ASCC3: variants seen among roughly 807,000 people sequenced by gnomAD.
The protein encoded by ASCC3 is activating signal cointegrator 1 complex subunit 3.
In ASCC3, 158 loss-of-function variants were observed where a neutral mutation model predicts 256.3. The ratio of observed to expected loss-of-function variants is 0.62; its 90% CI spans 0.54 to 0.70. The LOEUF (loss-of-function observed/expected upper bound fraction) is 0.70, where lower values mean the gene tolerates loss of function less well. Among genes scored for constraint, ASCC3 ranks in the 30% least tolerant of loss-of-function variants. ASCC3 has a pLI of 0.00. For missense variants in ASCC3, 2,259 were observed against 2,626.0 expected, an observed-to-expected ratio of 0.86 and a Z score of 3.05; for synonymous variants, 948 against 883.4, an observed-to-expected ratio of 1.07 and a Z score of -1.30.
intron 8 of ASCC3, among the ~76,000 whole-genome samples, chr6:100,789,814 T>G (rs541058924): frequency 6.6e-6 from 1 of 152,078 alleles, no homozygotes; most frequent in African/African-American, 2.4e-5. Context: ...GCTTAATAAT[T>G]GAGATCCCTT....
At chr6:100,685,017 C>T (rs2114973937) in intron 13 of ASCC3, among the ~76,000 whole-genome samples, 1 of 152,056 alleles carries the variant, frequency 6.6e-6, no homozygotes, top group African/African-American at 2.4e-5. Flanking sequence ...CCGTATTAGC[C>T]AGGATGGTCT....
intron 13 of ASCC3, among the ~76,000 whole-genome samples, chr6:100,689,050 C>G (rs1418862607): frequency 6.6e-6 from 1 of 152,078 alleles, no homozygotes; most frequent in African/African-American, 2.4e-5. Flanking sequence ...ATTTCCAGGA[C>G]GTTAGCCATG....
At position 100,540,389 on chromosome 6, in the gene ASCC3, T is replaced by TTAAAAAAAA; in HGVS notation, c.5551-3_5551-2insTTTTTTTTA. Reference sequence around the variant, plus strand: ...CAAATCTGTATATTCTTCTGCATCCTGAAAAAAAAAAAAAGCCCCACATTG... The same window carrying TTAAAAAAAA: ...CAAATCTGTATATTCTTCTGCATCCTTAAAAAAAAGAAAAAAAAAAAAAGCCCCACATTG... On this transcript the variant is annotated splice_polypyrimidine_tract_variant and splice_region_variant and intron_variant, in intron 36 of 41. Coordinates refer to ENST00000369162, the MANE Select transcript of ASCC3 (RefSeq NM_006828.4). 6.3e-7 allele frequency: 1 copy of TTAAAAAAAA among 1,578,594 alleles called. No individual in the cohort carries two copies.
intron 10 of ASCC3, among the ~76,000 whole-genome samples, chr6:100,732,952 TAAC>T (rs1243625743): frequency 6.6e-6 from 1 of 152,156 alleles, no homozygotes; most frequent in African/African-American, 2.4e-5. Context: ...ATTGGAAAAC[TAAC>T]AACATTAGAA....
intron 8 of ASCC3, among the ~76,000 whole-genome samples, chr6:100,794,744 T>TATGC (rs1769521871): frequency 6.6e-6 from 1 of 152,102 alleles, no homozygotes; most frequent in South Asian, 2.1e-4. Flanking sequence ...TGAAATATTA[T>TATGC]ATGCATCTTT....
intron 26 of ASCC3, among the ~76,000 whole-genome samples, chr6:100,630,651 A>G (rs1774493813): frequency 6.6e-6 from 1 of 152,040 alleles, no homozygotes; most frequent in Non-Finnish European, 1.5e-5. Flanking sequence ...TATTTAAAAT[A>G]ATACTGCAAT....
chr6:100,870,623 AC>A lies in ASCC3; in HGVS notation c.-41-2586del, dbSNP rs1773697163. Among the ~76,000 whole-genome samples the A allele has an allele frequency of 5.9e-5, 9 of 152,318 alleles. No individual in the cohort carries two copies. The South Asian group carries it at 1.9e-3, about 32-fold the overall frequency. ...TGGTATGAGGACAGCTGGGGAAAAA[AC>A]AGTTGGACTCTCTACATCACATTGG... is the stretch of plus-strand genomic sequence containing the variant. On this transcript the variant is annotated intron_variant, in intron 1 of 41. Coordinates refer to ENST00000369162, the MANE Select transcript of ASCC3 (RefSeq NM_006828.4).
Position 100,646,788 on chromosome 6 carries a change from A to G in ASCC3, c.3479-19T>C. 1 of 1,612,236 alleles carries G rather than the reference A, an allele frequency of 6.2e-7. No homozygotes were observed. The highest frequency in any genetic ancestry group is 8.5e-7 in the Non-Finnish European group (1 of 1,178,552). On this transcript the variant is annotated intron_variant, in intron 21 of 41. Transcript: ENST00000369162. ...ATGTGACCTGCAAGAAAAATATCAC[A>G]TAGAAGAAATGTGTCCAGGCAGAAA...
At position 100,703,015 on chromosome 6, in the gene ASCC3, A is replaced by G. The variant is rs147918361; in HGVS notation, c.2151+12447T>C. Among the ~76,000 whole-genome samples the G allele has an allele frequency of 7.1e-4, 108 of 152,236 alleles. 3 individuals are homozygous for G. In the East Asian group the frequency reaches 0.021, roughly 29 times the overall value. On this transcript the variant is annotated intron_variant, in intron 13 of 41. Transcript: ENST00000369162. ...TGATCATGTGATAATGTTTATTACC[A>G]TAGTTTTTGACCAGTCTAATAGCAT...
intron 14 of ASCC3, among the ~76,000 whole-genome samples, chr6:100,665,795 C>T (rs1422407461): frequency 7.0e-6 from 1 of 143,628 alleles, no homozygotes; most frequent in African/African-American, 3.0e-5. Context: ...GGAGATGAGG[C>T]CCAGGGATGT....
chr6:100,679,199 C>T, intron 14 of ASCC3, among the ~76,000 whole-genome samples: 1 of 147,636 alleles, frequency 6.8e-6, no homozygotes. Context: ...CTCAGAATTC[C>T]TTTACATTGC....
chr6:100,586,465 G>A (rs1371479026), intron 36 of ASCC3, among the ~76,000 whole-genome samples: 5 of 152,138 alleles, frequency 3.3e-5, no homozygotes, highest in Non-Finnish European at 7.4e-5. Context: ...GGAGCGACCC[G>A]ATTTTCCAGG....
intron 36 of ASCC3, among the ~76,000 whole-genome samples, chr6:100,582,691 T>C (rs557517516): frequency 1.4e-3 from 220 of 151,782 alleles, no homozygotes; most frequent in African/African-American, 5.0e-3. Flanking sequence ...GCTTCCAGTT[T>C]TTGCCCATTC....
chr6:100,780,175 T>C (rs1376436412), intron 8 of ASCC3, among the ~76,000 whole-genome samples: 1 of 152,150 alleles, frequency 6.6e-6, no homozygotes, highest in East Asian at 1.9e-4. Context: ...TAATATGAAA[T>C]TGTAAAATTA....
intron 14 of ASCC3, among the ~76,000 whole-genome samples, chr6:100,678,196 A>G (rs1332802331): frequency 1.3e-5 from 2 of 152,182 alleles, no homozygotes; most frequent in Admixed American, 6.5e-5. Context: ...AACAATAGTT[A>G]TCTGAATTGA....
At chr6:100,709,590 T>C (rs1778774568) in intron 13 of ASCC3, among the ~76,000 whole-genome samples, 1 of 152,152 alleles carries the variant, frequency 6.6e-6, no homozygotes, top group African/African-American at 2.4e-5. Flanking sequence ...TATCTGAAAA[T>C]TAGAACCTGA....
rs1418453869 is a variant in ASCC3, at chr6:100,798,793, C to T, written c.1315G>A (p.Glu439Lys). Residue 439 changes from glutamate (E) to lysine (K), a missense_variant, in exon 8 of 42, where the codon GAA (glutamate) becomes AAA (lysine). Physicochemically the swap from Glu to Lys is moderately conservative, Grantham distance 56. Around this residue, in one of 2 missense-constraint regions of ASCC3, gnomAD observed 1,839 missense variants for 2,206.7 expected, o/e 0.83. Coordinates refer to ENST00000369162, the MANE Select transcript of ASCC3 (RefSeq NM_006828.4). ...TCGCTGTAGGGAATCCTTACTTCTT[C>T]ATAAAGCTTGTTATTCTCTCTTTGG... ...GIQRENNKLYEEVRIPYSEPM... is the reference protein window; with the variant it reads ...GIQRENNKLYKEVRIPYSEPM... 6.2e-7 allele frequency: 1 copy of T among 1,612,824 alleles called. No homozygotes were observed.
In ASCC3 at chr6:100,625,369, T is replaced by C. The variant is rs760849770; in HGVS notation, c.4643-35A>G. ...AGTTGTGGGAAATAAAATGGAAAGA[T>C]ACTTAACCCCAGAATATGAATTTCA... On this transcript the variant is annotated intron_variant, in intron 29 of 41. Transcript: ENST00000369162. 16 of 1,606,598 alleles carry C rather than the reference T, an allele frequency of 1.0e-5. No individual in the cohort carries two copies. In the Admixed American group the frequency reaches 1.0e-4, roughly 10 times the overall value.
At chr6:100,634,864 CAAAAAA>C (rs199632200) in intron 25 of ASCC3, among the ~76,000 whole-genome samples, 1 of 119,288 alleles carries the variant, frequency 8.4e-6, no homozygotes, top group African/African-American at 3.5e-5. Flanking sequence ...CCTCAAAAAA[CAAAAAA>C]AAAAAAAAAA....
Sources: allele counts gnomAD v4.1 joint callset (sites outside exome capture counted in the v4.1 genomes callset), GRCh38; gene constraint gnomAD v4.1.1; regional missense constraint gnomAD v4.1.1; transcripts MANE v1.5; gene names NCBI Gene and HGNC (gene_info 2026-07-23, HGNC 2026-07-21).